BRDT: variants seen among roughly 807,000 people sequenced by gnomAD.
The protein encoded by BRDT is bromodomain testis associated, also known as bromodomain testis-specific protein.
Under a neutral mutation model 113.9 loss-of-function variants are expected in BRDT, and 77 were observed. The observed-to-expected ratio is 0.68, with a 90% CI of 0.56 to 0.82. BRDT has a LOEUF of 0.82. BRDT is among the 40% of genes least tolerant of loss of function. The probability of loss-of-function intolerance (pLI) is 0.00; values close to 1 mark genes in which losing one functional copy is unlikely to be tolerated. For synonymous variants in BRDT, 358 were observed against 366.5 expected (o/e 0.98, Z 0.26); for missense variants, 1,027 against 1,105.4 (o/e 0.93, Z 1.01).
intron 1 of BRDT, among the ~76,000 whole-genome samples, chr1:91,959,615 G>A (rs1451894809): frequency 6.6e-6 from 1 of 151,566 alleles, no homozygotes; most frequent in African/African-American, 2.4e-5. Context: ...CGAGTAGCTG[G>A]GACTACAGAT....
At chr1:91,988,310 G>A (rs1685450936) in intron 12 of BRDT, among the ~76,000 whole-genome samples, 1 of 152,124 alleles carries the variant, frequency 6.6e-6, no homozygotes, top group South Asian at 2.1e-4. Context: ...TCCTCTTAAG[G>A]TAGGTGTATA....
intron 4 of BRDT, among the ~76,000 whole-genome samples, chr1:91,974,565 A>G (rs1302872172): frequency 6.6e-6 from 1 of 152,254 alleles, no homozygotes; most frequent in East Asian, 1.9e-4. Flanking sequence ...AGAAATCCAA[A>G]TCAAAACCAC....
chr1:92,011,813 C>T (rs1687820858), intron 18 of BRDT, among the ~76,000 whole-genome samples: 1 of 152,160 alleles, frequency 6.6e-6, no homozygotes, highest in African/African-American at 2.4e-5. Flanking sequence ...ACAGCCCAGC[C>T]TCTTGCTGCC....
chr1:91,989,076 G>A (rs1336139067), intron 12 of BRDT, among the ~76,000 whole-genome samples: 1 of 152,098 alleles, frequency 6.6e-6, no homozygotes, highest in Non-Finnish European at 1.5e-5. Flanking sequence ...GGGATTACAG[G>A]CGTAAGCCAC....
intron 16 of BRDT, among the ~76,000 whole-genome samples, chr1:92,002,511 G>A (rs1483925115): frequency 6.6e-6 from 1 of 152,004 alleles, no homozygotes; most frequent in Non-Finnish European, 1.5e-5. Flanking sequence ...TTACAGGTGT[G>A]TACCACCATG....
rs555724482 is a variant in BRDT at position 91,992,014 on chromosome 1, A to G, written c.2065-250A>G. 4.7e-4 allele frequency among the ~76,000 whole-genome samples: 67 copies of G among 142,238 alleles called. 1 individual carries two copies. Among genetic ancestry groups the G allele is most frequent in the East Asian group, 4.3e-3 (22 of 5,118 alleles). The allele number at this position is 142,238 out of a possible 152,430, so 93.3% of individuals were successfully genotyped here. A position where few individuals can be genotyped will look rare whatever the true frequency, so the allele number is the denominator to read the frequency against. On this transcript the variant is annotated intron_variant, in intron 13 of 18. Coordinates refer to ENST00000399546, the MANE Select transcript of BRDT (RefSeq NM_207189.4). ...CTCAAAAAAAAAAAAAAAAAAAAAA[A>G]AAAAGAAAAGAAAAAGAAAAGAACA...
intron 11 of BRDT, 88 bp from the exon 12 acceptor site, chr1:91,981,530 G>A (rs553452279): frequency 8.3e-6 from 13 of 1,571,374 alleles, no homozygotes; most frequent in Middle Eastern, 1.8e-4. Context: ...AGGCATGCGC[G>A]ACCATGCCCA....
chr1:91,956,776 C>A (rs544063427), intron 1 of BRDT, among the ~76,000 whole-genome samples: 1 of 151,950 alleles, frequency 6.6e-6, no homozygotes, highest in African/African-American at 2.4e-5. Flanking sequence ...TGGCTCCCCC[C>A]CTTTCCTGAA....
chr1:91,967,252 T>C (rs78702189), intron 3 of BRDT, among the ~76,000 whole-genome samples: 2 of 152,014 alleles, frequency 1.3e-5, no homozygotes, highest in Non-Finnish European at 2.9e-5. Flanking sequence ...TTTTTTTTTT[T>C]AAGACGGAGT....
chr1:91,958,426 G>T (rs1189115429), intron 1 of BRDT, among the ~76,000 whole-genome samples: 1 of 152,050 alleles, frequency 6.6e-6, no homozygotes, highest in Non-Finnish European at 1.5e-5. Context: ...ATATTGCCCA[G>T]GCTGGTCTTG....
At chr1:91,981,241 C>CA in intron 10 of BRDT, 27 bp from the exon 11 acceptor site, 1 of 1,610,336 alleles carries the variant, frequency 6.2e-7, no homozygotes. Flanking sequence ...TGGTTATACT[C>CA]ACTTTCTTCC....
At chr1:91,957,113 T>C (rs1344727311) in intron 1 of BRDT, among the ~76,000 whole-genome samples, 7 of 152,328 alleles carry the variant, frequency 4.6e-5, no homozygotes, top group Admixed American at 4.6e-4. Context: ...AATTATGGAA[T>C]GTTTTACAGT....
rs770202174 is a variant in BRDT, at chr1:91,978,200, A to C, written c.1002A>C (p.Ala334=). ...EKMDNQEYKD[A]YKFAADVRLM... ...TGGATAACCAAGAATATAAGGATGCATACAAATTTGCGGCAGATGTTAGAT... is the reference window on the plus strand; with the variant it reads ...TGGATAACCAAGAATATAAGGATGCCTACAAATTTGCGGCAGATGTTAGAT... Residue 334 remains alanine (A), a synonymous_variant, in exon 7 of 19, where the codon GCA becomes GCC. Coordinates refer to ENST00000399546, the MANE Select transcript of BRDT (RefSeq NM_207189.4). The C allele has an allele frequency of 4.3e-5, 70 of 1,613,672 alleles. 1 individual carries two copies. In the South Asian group the frequency reaches 7.7e-4, roughly 18 times the overall value.
intron 15 of BRDT, among the ~76,000 whole-genome samples, chr1:91,997,378 A>T (rs990896684): frequency 6.6e-6 from 1 of 152,186 alleles, no homozygotes; most frequent in African/African-American, 2.4e-5. Flanking sequence ...TTTAACAGGA[A>T]AATAGATTTT....
chr1:91,993,777 T>A (rs1371093634), intron 14 of BRDT, among the ~76,000 whole-genome samples: 1 of 152,180 alleles, frequency 6.6e-6, no homozygotes, highest in Non-Finnish European at 1.5e-5. Flanking sequence ...TGAATAGCAT[T>A]GTTTAATAAT....
At chr1:91,986,541 T>C (rs1685257886) in intron 12 of BRDT, among the ~76,000 whole-genome samples, 1 of 152,242 alleles carries the variant, frequency 6.6e-6, no homozygotes, top group East Asian at 1.9e-4. Context: ...GTTTAAGACT[T>C]AAAGTGAATT....
chr1:91,976,096 C>G (rs1684112976), intron 4 of BRDT, among the ~76,000 whole-genome samples, 170 bp from the exon 5 acceptor site: 1 of 152,124 alleles, frequency 6.6e-6, no homozygotes, highest in Admixed American at 6.5e-5. Flanking sequence ...ATTATTATAT[C>G]TAAATTGGTC....
At chr1:91,993,416 A>C (rs939482227) in intron 14 of BRDT, among the ~76,000 whole-genome samples, 2 of 152,186 alleles carry the variant, frequency 1.3e-5, no homozygotes, top group Non-Finnish European at 2.9e-5. Context: ...TGCTTCTATT[A>C]TTTCTAGAAA....
intron 16 of BRDT, 24 bp downstream of exon 16, chr1:92,002,173 A>G (rs74101071): frequency 0.059 from 91,214 of 1,541,040 alleles, 3,036 homozygotes; most frequent in African/African-American, 0.094. Flanking sequence ...TTTTTTTCTA[A>G]CAAATCTTGA....
Sources: gnomAD v4.1 joint callset for allele counts (sites outside exome capture counted in the v4.1 genomes callset) on GRCh38, gnomAD v4.1.1 for gene constraint, MANE v1.5 for transcripts, NCBI Gene and HGNC (gene_info 2026-07-23, HGNC 2026-07-21) for gene names.